The following TTC39A variants were observed in gnomAD, a reference collection of about 807,000 sequenced individuals.
TTC39A encodes tetratricopeptide repeat protein 39A.
In TTC39A, 46 loss-of-function variants were observed where a neutral mutation model predicts 82.3. The ratio of observed to expected loss-of-function variants is 0.56; its 90% CI spans 0.44 to 0.71. The LOEUF (loss-of-function observed/expected upper bound fraction) is 0.71, where lower values mean the gene tolerates loss of function less well. Ranked by LOEUF, TTC39A falls within the 30% of genes least tolerant of loss-of-function variation. The pLI, the probability that TTC39A is intolerant of heterozygous loss-of-function variation, is 0.00. For missense variants in TTC39A, 543 were observed against 712.9 expected (o/e 0.76, Z 2.71); for synonymous variants, 254 against 275.2 (o/e 0.92, Z 0.76).
chr1:51,327,417 C>T (rs906148177), intron 1 of TTC39A, among the ~76,000 whole-genome samples: 1 of 152,202 alleles, frequency 6.6e-6, no homozygotes, highest in African/African-American at 2.4e-5. Context: ...CCCTTAGCTG[C>T]ACATAAATGT....
chr1:51,314,853 C>T (rs1334702764), intron 2 of TTC39A, among the ~76,000 whole-genome samples: 2 of 152,232 alleles, frequency 1.3e-5, no homozygotes, highest in Admixed American at 1.3e-4. Flanking sequence ...CTTAACTCTT[C>T]TCCCCAATGG....
chr1:51,294,446 C>G lies in TTC39A; in HGVS notation c.1211G>C (p.Arg404Pro), dbSNP rs773085063. 1 of 1,613,992 alleles carries G rather than the reference C, an allele frequency of 6.2e-7. No homozygotes were observed. The highest frequency in any genetic ancestry group is 8.5e-7 in the Non-Finnish European group (1 of 1,179,872). ...KSLPTEKFAI[R>P]KSRRYFSSNP... ...GGAGGAGAAGTAGCGCCGGGACTTC[C>G]GGATGGCAAACTTCTCTGTGGGTAG... The change falls in exon 14 of 18, where the codon CGG becomes CCG. Residue 404 changes from arginine (R) to proline (P), a missense_variant. Physicochemically the swap from Arg to Pro is moderately radical, Grantham distance 103. Coordinates refer to ENST00000680483, the MANE Select transcript of TTC39A (RefSeq NM_001297663.2). The surrounding 1 kb of genome is among the most constrained non-coding windows in gnomAD (Gnocchi z 4.3).
chr1:51,331,687 A>T, upstream of TTC39A: 1 of 985,298 alleles, frequency 1.0e-6, no homozygotes, highest in Non-Finnish European at 1.2e-6. Flanking sequence ...CCCATTTGTG[A>T]GCAGGGGCAG....
intron 8 of TTC39A, among the ~76,000 whole-genome samples, chr1:51,304,774 A>C (rs1569855289): frequency 6.6e-6 from 1 of 152,180 alleles, no homozygotes; most frequent in Non-Finnish European, 1.5e-5. Flanking sequence ...GGAGAGAGGG[A>C]CCAGCCCCTG....
rs1319628066 is a variant in TTC39A, at chr1:51,312,802, T to C, written c.278+10A>G. ...CCCAACCTCTGATCCCTGCCCCCAA[T>C]GCCCCCAACCTCTGACACAGCATCT... On this transcript the variant is annotated intron_variant, in intron 3 of 17. Transcript: ENST00000680483. 5 of 1,611,970 alleles carry C rather than the reference T, an allele frequency of 3.1e-6. No individual in the cohort carries two copies. Among genetic ancestry groups the C allele is most frequent in the Non-Finnish European group, 4.2e-6 (5 of 1,178,686 alleles).
chr1:51,303,144 G>A lies in TTC39A; in HGVS notation c.703C>T (p.Arg235Cys), dbSNP rs1477925982. The part of the protein sequence containing the change: ...LEEGASGHSF[R>C]SVLCVMLLLC... ...AGGAGCATGACACAGAGCACAGAGC[G>A]GAAGCTGTGCCCTGACGCTCCCTCC... is the stretch of plus-strand genomic sequence containing the variant. Residue 235 changes from arginine (R) to cysteine (C), a missense_variant, in exon 9 of 18, where the codon CGC becomes TGC. Physicochemically the swap from Arg to Cys is radical, Grantham distance 180. Transcript: ENST00000680483. The A allele has an allele frequency of 3.1e-6, 5 of 1,587,938 alleles. No homozygotes were observed. The highest frequency in any genetic ancestry group is 1.2e-5 in the South Asian group (1 of 86,740).
At position 51,321,713 on chromosome 1, in the gene TTC39A, A is replaced by C; in HGVS notation, c.146+8T>G. Reference sequence around the variant, plus strand: ...CACCCCCTACCCCAACCGGGGCTTGAGCCTCACCTGGGCTTGAGGTAGCTG... The same window carrying C: ...CACCCCCTACCCCAACCGGGGCTTGCGCCTCACCTGGGCTTGAGGTAGCTG... On this transcript the variant is annotated splice_region_variant and intron_variant, in intron 2 of 17. Coordinates refer to ENST00000680483, the MANE Select transcript of TTC39A (RefSeq NM_001297663.2). This position sits in a 1 kb window ranked among gnomAD's most constrained non-coding sequence, Gnocchi z 4.6. 1 of 1,613,364 alleles carries C rather than the reference A, an allele frequency of 6.2e-7. No homozygotes were observed. The highest frequency in any genetic ancestry group is 1.1e-5 in the South Asian group (1 of 90,892).
At chr1:51,307,734 C>CAA (rs1216098958) in intron 6 of TTC39A, among the ~76,000 whole-genome samples, 18 of 75,266 alleles carry the variant, frequency 2.4e-4, no homozygotes, top group Middle Eastern at 7.1e-3. Flanking sequence ...GACTCTGTCT[C>CAA]AAAAAAAAAA....
At chr1:51,290,183 GCC>G in intron 15 of TTC39A, 64 bp from the exon 16 acceptor site, 1 of 1,476,352 alleles carries the variant, frequency 6.8e-7, no homozygotes, top group South Asian at 1.2e-5. Flanking sequence ...TACTTATGGA[GCC>G]CCCTACTTTG....
intron 2 of TTC39A, 77 bp from the exon 3 acceptor site, chr1:51,313,020 A>C (rs1569906709): frequency 3.9e-6 from 6 of 1,549,688 alleles, no homozygotes; most frequent in Non-Finnish European, 4.4e-6. Context: ...GCTCATCTCC[A>C]CCCTCCTCCA....
chr1:51,331,477 A>T (rs1479502051), upstream of TTC39A: 1 of 1,354,432 alleles, frequency 7.4e-7, no homozygotes, highest in Non-Finnish European at 9.5e-7. Flanking sequence ...GGACAGAAGT[A>T]AGGAAGGACT....
chr1:51,341,185 A>AC (rs889191326), intron 1 of TTC39A, among the ~76,000 whole-genome samples: 5 of 66,710 alleles, frequency 7.5e-5, no homozygotes, highest in African/African-American at 1.3e-4. Context: ...CCGCCCCCCC[A>AC]CCCCCCGCCC....
chr1:51,307,166 A>C (rs1467220396), intron 6 of TTC39A, among the ~76,000 whole-genome samples: 1 of 152,174 alleles, frequency 6.6e-6, no homozygotes, highest in African/African-American at 2.4e-5. Context: ...AGAACTTGGC[A>C]ATAACCCAGG....
At chr1:51,338,476 G>T (rs1645999512) in intron 1 of TTC39A, among the ~76,000 whole-genome samples, 1 of 151,964 alleles carries the variant, frequency 6.6e-6, no homozygotes, top group Non-Finnish European at 1.5e-5. Context: ...GAGGCAGCAG[G>T]CAAGTTCAGA....
At chr1:51,332,915 A>G (rs1645930704), upstream of TTC39A, among the ~76,000 whole-genome samples, 1 of 152,160 alleles carries the variant, frequency 6.6e-6, no homozygotes. Context: ...TATTGTGTAT[A>G]AAATTACCTT....
At chr1:51,338,303 G>A (rs1214551447) in intron 1 of TTC39A, among the ~76,000 whole-genome samples, 7 of 152,076 alleles carry the variant, frequency 4.6e-5, no homozygotes, top group Non-Finnish European at 8.8e-5. Context: ...ACCTCTTTGC[G>A]CCTAAGTTTC....
chr1:51,303,116 A>G lies in TTC39A; in HGVS notation c.731T>C (p.Leu244Pro). 1 of 1,593,680 alleles carries G rather than the reference A, an allele frequency of 6.3e-7. No homozygotes were observed. The highest frequency in any genetic ancestry group is 8.5e-7 in the Non-Finnish European group (1 of 1,170,744). ...GAAGGTGAGGAAGGTGTGGTAGCAC[A>G]GCAGGAGCATGACACAGAGCACAGA... is the stretch of plus-strand genomic sequence containing the variant. Reference protein sequence around the residue: ...FRSVLCVMLLLCYHTFLTFVL... With the variant: ...FRSVLCVMLLPCYHTFLTFVL... The change falls in exon 9 of 18, where the codon CTG becomes CCG. Residue 244 changes from leucine (L) to proline (P), a missense_variant. Coordinates refer to ENST00000680483, the MANE Select transcript of TTC39A (RefSeq NM_001297663.2).
At chr1:51,313,353 C>G (rs933620913) in intron 2 of TTC39A, among the ~76,000 whole-genome samples, 6 of 152,170 alleles carry the variant, frequency 3.9e-5, no homozygotes, top group Admixed American at 1.3e-4. Flanking sequence ...CTGTGAGATC[C>G]TGTTTAGCCC....
intron 2 of TTC39A, among the ~76,000 whole-genome samples, chr1:51,317,916 G>A (rs1645353182): frequency 6.6e-6 from 1 of 152,150 alleles, no homozygotes; most frequent in African/African-American, 2.4e-5. Context: ...GGTTTCCTTT[G>A]GCGATCCTGA....
Sources: gnomAD v4.1 joint callset for allele counts (sites outside exome capture counted in the v4.1 genomes callset) on GRCh38, gnomAD v4.1.1 for gene constraint, Gnocchi (gnomAD v3.1) non-coding constraint, MANE v1.5 for transcripts, NCBI Gene and HGNC (gene_info 2026-07-23, HGNC 2026-07-21) for gene names.